The following GALNTL6 variants were observed in gnomAD, a reference collection of about 807,000 sequenced individuals.
The protein encoded by GALNTL6 is polypeptide N-acetylgalactosaminyltransferase-like 6.
GALNTL6 carries 46 observed loss-of-function variants against 73.7 expected under a neutral mutation model. The ratio of observed to expected loss-of-function variants is 0.62; its 90% CI spans 0.49 to 0.80. GALNTL6 has a LOEUF of 0.80. Among genes scored for constraint, GALNTL6 ranks in the 30% least tolerant of loss-of-function variants. The pLI, the probability that GALNTL6 is intolerant of heterozygous loss-of-function variation, is 0.00. For missense variants in GALNTL6, 604 were observed against 755.0 expected (o/e 0.80, Z 2.34); for synonymous variants, 259 against 263.7 (o/e 0.98, Z 0.17).
At chr4:172,972,081 A>T (rs1181414898) in intron 10 of GALNTL6, among the ~76,000 whole-genome samples, 1 of 152,180 alleles carries the variant, frequency 6.6e-6, no homozygotes, top group African/African-American at 2.4e-5. Flanking sequence ...AAAGTCAAAA[A>T]GTTAAAAGAG....
At chr4:171,994,579 G>C (rs1371207517) in intron 2 of GALNTL6, among the ~76,000 whole-genome samples, 1 of 151,982 alleles carries the variant, frequency 6.6e-6, no homozygotes, top group Admixed American at 6.6e-5. Context: ...TACACTGCTC[G>C]AGTGATGGGC....
chr4:172,249,716 G>A (rs552295068), intron 3 of GALNTL6, among the ~76,000 whole-genome samples: 117 of 152,314 alleles, frequency 7.7e-4, no homozygotes, highest in Non-Finnish European at 1.2e-3. Context: ...TGCTTCAGAG[G>A]GTGCAAGCCC....
chr4:172,799,979 C>A lies in GALNTL6; in HGVS notation c.554-9382C>A, dbSNP rs924346351. 4.6e-5 allele frequency among the ~76,000 whole-genome samples: 7 copies of A among 152,074 alleles called. No homozygotes were observed. In the South Asian group the frequency reaches 1.2e-3, roughly 27 times the overall value. The stretch of plus-strand genomic sequence containing the variant: ...TGACACATACTACAACATGGATGAA[C>A]CTTGAGGACATTGCACTGAGACAAG... On this transcript the variant is annotated intron_variant, in intron 5 of 12. Transcript: ENST00000506823.
At chr4:173,007,538 G>A (rs899625027) in intron 10 of GALNTL6, among the ~76,000 whole-genome samples, 2 of 152,178 alleles carry the variant, frequency 1.3e-5, no homozygotes, top group Middle Eastern at 3.2e-3. Context: ...CAGGCGTGGT[G>A]GCTCACACCT....
chr4:172,271,385 A>G (rs567133823), intron 3 of GALNTL6, among the ~76,000 whole-genome samples: 1 of 152,302 alleles, frequency 6.6e-6, no homozygotes, highest in South Asian at 2.1e-4. Flanking sequence ...TGCATTTCAT[A>G]CATACACACA....
intron 2 of GALNTL6, among the ~76,000 whole-genome samples, chr4:172,150,180 T>A (rs559439216): frequency 6.6e-6 from 1 of 152,292 alleles, no homozygotes; most frequent in South Asian, 2.1e-4. Context: ...TCAGTCCCCA[T>A]ATAATTCAGT....
At chr4:172,254,853 T>C (rs940475027) in intron 3 of GALNTL6, among the ~76,000 whole-genome samples, 1 of 151,762 alleles carries the variant, frequency 6.6e-6, no homozygotes, top group African/African-American at 2.4e-5. Flanking sequence ...CATTTTAAAC[T>C]TTCCCCCTGT....
chr4:172,456,237 A>G (rs1732394251), intron 5 of GALNTL6, among the ~76,000 whole-genome samples: 2 of 152,166 alleles, frequency 1.3e-5, no homozygotes, highest in Admixed American at 6.5e-5. Flanking sequence ...ATCCACAAAG[A>G]TGAGGAAAAA....
At chr4:172,794,529 T>C (rs772676546) in intron 5 of GALNTL6, among the ~76,000 whole-genome samples, 6 of 152,190 alleles carry the variant, frequency 3.9e-5, no homozygotes, top group Non-Finnish European at 7.4e-5. Context: ...GATCATTTTC[T>C]CCATTCCCTG....
intron 5 of GALNTL6, among the ~76,000 whole-genome samples, chr4:172,807,489 A>T (rs60480850): frequency 0.014 from 2,164 of 152,306 alleles, 47 homozygotes; most frequent in African/African-American, 0.048. Context: ...AATACATAAA[A>T]GTTTGTTGAA....
intron 5 of GALNTL6, among the ~76,000 whole-genome samples, chr4:172,467,858 CTTTCT>C (rs1732888258): frequency 7.3e-6 from 1 of 137,308 alleles, no homozygotes; most frequent in African/African-American, 2.7e-5. Flanking sequence ...TTCTTTCTTT[CTTTCT>C]TTCCTTCTTT....
intron 3 of GALNTL6, among the ~76,000 whole-genome samples, chr4:172,253,713 T>C (rs1439497814): frequency 1.3e-5 from 2 of 151,932 alleles, no homozygotes; most frequent in Non-Finnish European, 2.9e-5. Context: ...TCTCTGGGAC[T>C]CCAAGAGTAT....
At chr4:171,844,470 T>C (rs980698198) in intron 2 of GALNTL6, among the ~76,000 whole-genome samples, 5 of 152,042 alleles carry the variant, frequency 3.3e-5, no homozygotes, top group African/African-American at 1.2e-4. Flanking sequence ...GTAAAACTCT[T>C]GGTGACATTC....
intron 5 of GALNTL6, among the ~76,000 whole-genome samples, chr4:172,665,144 C>T (rs1371829228): frequency 6.6e-6 from 1 of 152,182 alleles, no homozygotes; most frequent in Admixed American, 6.5e-5. Context: ...ACTTCCCTTG[C>T]CACCTACTAA....
At chr4:172,897,333 C>A in intron 8 of GALNTL6, among the ~76,000 whole-genome samples, 1 of 152,182 alleles carries the variant, frequency 6.6e-6, no homozygotes, top group Non-Finnish European at 1.5e-5. Flanking sequence ...GTCTATTAGG[C>A]AGGCTCAGAC....
rs79286939 is a variant in GALNTL6, at chr4:172,784,346, A to G, written c.554-25015A>G. Among the ~76,000 whole-genome samples, 95 of 152,296 alleles carry G rather than the reference A, an allele frequency of 6.2e-4. 1 individual carries two copies. The East Asian group carries it at 0.018, about 29-fold the overall frequency. Reference sequence around the variant, plus strand: ...TTGCTCTTAGTAAAATATCAAAACAATAATAATTGATATGCGCAGAAGCAG... The same window carrying G: ...TTGCTCTTAGTAAAATATCAAAACAGTAATAATTGATATGCGCAGAAGCAG... On this transcript the variant is annotated intron_variant, in intron 5 of 12. Coordinates refer to ENST00000506823, the MANE Select transcript of GALNTL6 (RefSeq NM_001034845.3).
intron 5 of GALNTL6, among the ~76,000 whole-genome samples, chr4:172,393,919 GT>G (rs1188208438): frequency 6.6e-6 from 1 of 151,942 alleles, no homozygotes; most frequent in African/African-American, 2.4e-5. Flanking sequence ...CACATTGTAG[GT>G]TTAAATAAAT....
intron 7 of GALNTL6, among the ~76,000 whole-genome samples, chr4:172,860,255 A>G (rs1259621623): frequency 6.6e-6 from 1 of 152,240 alleles, no homozygotes. Flanking sequence ...TGACTCAAAT[A>G]CTTATGATCT....
chr4:171,946,212 G>GA (rs2063011931), intron 2 of GALNTL6, among the ~76,000 whole-genome samples: 1 of 152,014 alleles, frequency 6.6e-6, no homozygotes, highest in African/African-American at 2.4e-5. Context: ...TTTCATTCCT[G>GA]AAAAATACGT....
Sources: allele counts gnomAD v4.1 joint callset (sites outside exome capture counted in the v4.1 genomes callset), GRCh38; gene constraint gnomAD v4.1.1; transcripts MANE v1.5; gene names NCBI Gene and HGNC (gene_info 2026-07-23, HGNC 2026-07-21).